Variants in IFT74 observed in about 807,000 individuals in gnomAD.
The protein encoded by IFT74 is intraflagellar transport protein 74 homolog.
IFT74 carries 92 observed loss-of-function variants against 96.7 expected under a neutral mutation model. The ratio of observed to expected loss-of-function variants is 0.95; its 90% CI spans 0.80 to 1.13. The LOEUF (loss-of-function observed/expected upper bound fraction) is 1.13. Ranked by LOEUF, IFT74 falls within the 50% of genes most tolerant of loss-of-function variation. The pLI is 0.00. For missense variants in IFT74, 811 were observed against 698.2 expected (o/e 1.16, Z -1.82); for synonymous variants, 223 against 213.2 (o/e 1.05, Z -0.40).
intron 16 of IFT74, among the ~76,000 whole-genome samples, chr9:27,049,822 C>A (rs566254606): frequency 1.3e-5 from 2 of 152,116 alleles, no homozygotes; most frequent in Non-Finnish European, 2.9e-5. Context: ...TGCTTGCTAT[C>A]ATGAGACTAG....
chr9:27,048,137 T>C lies in IFT74; in HGVS notation c.1207-11T>C. ...GGATTTTTTTCTATTTTTATTTCTC[T>C]GCAAATGCAGAATATAAATCGTATA... On this transcript the variant is annotated splice_polypyrimidine_tract_variant and intron_variant, in intron 15 of 19. Coordinates refer to ENST00000380062, the MANE Select transcript of IFT74 (RefSeq NM_025103.4). The C allele has an allele frequency of 3.2e-6, 5 of 1,547,134 alleles. No homozygotes were observed. The African/African-American group carries it at 6.9e-5, about 21-fold the overall frequency.
chr9:26,976,707 A>C lies in IFT74; in HGVS notation c.121-1421A>C, dbSNP rs1182886499. On this transcript the variant is annotated intron_variant, in intron 2 of 19. Transcript: ENST00000380062. ...AGAAAGGCAGGGGGTACCTGGAATT[A>C]GAGAATAAGTAGCTGAGCAGGCTAT... is the stretch of plus-strand genomic sequence containing the variant. The C allele has an allele frequency of 4.7e-5, 21 of 451,468 alleles. No individual in the cohort carries two copies. In the East Asian group the frequency reaches 1.5e-3, roughly 31 times the overall value. 28.0% of individuals were successfully genotyped at this position (451,468 alleles called of 1,614,324 possible). A position where few individuals can be genotyped will look rare whatever the true frequency, so the allele number is the denominator to read the frequency against.
rs1820478323 is a variant in IFT74 at position 27,062,647 on chromosome 9, T to G, written c.1714T>G (p.Tyr572Asp). 7 of 1,608,468 alleles carry G rather than the reference T, an allele frequency of 4.4e-6. No homozygotes were observed. In the East Asian group the frequency reaches 1.6e-4, roughly 36 times the overall value. The change falls in exon 20 of 20, where the codon TAC becomes GAC. Residue 572 changes from tyrosine (Y) to aspartate (D), a missense_variant. By Grantham distance (160) the Tyr-to-Asp change is radical (BLOSUM62 -3). Coordinates refer to ENST00000380062, the MANE Select transcript of IFT74 (RefSeq NM_025103.4). ...FIATKSQESD[Y>D]QPIKKNVTKQ... Reference sequence around the variant, plus strand: ...AGCAACCAAGAGTCAAGAGAGTGATTACCAGCCAATTAAGAAAAATGTGAC... The same window carrying G: ...AGCAACCAAGAGTCAAGAGAGTGATGACCAGCCAATTAAGAAAAATGTGAC...
At chr9:26,989,551 G>C (rs950517750) in intron 7 of IFT74, among the ~76,000 whole-genome samples, 1 of 152,068 alleles carries the variant, frequency 6.6e-6, no homozygotes, top group African/African-American at 2.4e-5. Flanking sequence ...TTGATAAAAT[G>C]ACTCTTCTAA....
chr9:27,003,478 A>G (rs1023591861), intron 8 of IFT74, among the ~76,000 whole-genome samples: 2 of 152,114 alleles, frequency 1.3e-5, no homozygotes, highest in East Asian at 3.9e-4. Context: ...AGCCGTGATC[A>G]TGCCACTGTG....
chr9:26,972,132 A>G (rs1826907828), intron 2 of IFT74, among the ~76,000 whole-genome samples: 1 of 152,136 alleles, frequency 6.6e-6, no homozygotes, highest in African/African-American at 2.4e-5. Flanking sequence ...CTCCCTTTTT[A>G]GGTTTAGATC....
intron 8 of IFT74, chr9:26,999,732 G>A: frequency 7.7e-7 from 1 of 1,300,590 alleles, no homozygotes; most frequent in Admixed American, 2.2e-5. Context: ...TTTTCATTAA[G>A]GACATTTTTA....
At chr9:27,017,184 A>G (rs2131618400) in intron 11 of IFT74, 134 bp downstream of exon 11, 1 of 529,618 alleles carries the variant, frequency 1.9e-6, no homozygotes, top group Non-Finnish European at 3.1e-6. Context: ...ATGTGAAGAA[A>G]TGACTTTTTA....
chr9:27,059,801 C>T (rs535813370), intron 18 of IFT74, among the ~76,000 whole-genome samples: 53 of 152,274 alleles, frequency 3.5e-4, no homozygotes, highest in African/African-American at 1.1e-3. Context: ...AGAAACATTT[C>T]CACTGTTGCT....
At chr9:27,052,902 G>A (rs1204470625) in intron 16 of IFT74, among the ~76,000 whole-genome samples, 1 of 151,910 alleles carries the variant, frequency 6.6e-6, no homozygotes, top group Non-Finnish European at 1.5e-5. Flanking sequence ...TCTCACTGTC[G>A]CCCAGGCTGG....
chr9:26,986,456 C>T (rs1827639419), intron 6 of IFT74, among the ~76,000 whole-genome samples: 1 of 151,822 alleles, frequency 6.6e-6, no homozygotes, highest in Non-Finnish European at 1.5e-5. Context: ...GCTGGGACTA[C>T]AGGCACATGC....
At position 27,005,367 on chromosome 9, in the gene IFT74, C is replaced by CTG. The variant is rs376788124; in HGVS notation, c.588-3653_588-3652insTG. Reference sequence around the variant, plus strand: ...TGAAACCATTTCCCCCCCCGCCCCCCGCAAAACAATTACTTAGTATTGTAT... The same window carrying CTG: ...TGAAACCATTTCCCCCCCCGCCCCCCTGGCAAAACAATTACTTAGTATTGTAT... On this transcript the variant is annotated intron_variant, in intron 8 of 19. Transcript: ENST00000380062. Among the ~76,000 whole-genome samples, 3 of 102,700 alleles carry CTG rather than the reference C, an allele frequency of 2.9e-5. 1 individual carries two copies. The highest frequency in any genetic ancestry group is 9.8e-5 in the Admixed American group (1 of 10,196). The allele number at this position is 102,700 out of a possible 152,430, so 67.4% of individuals were successfully genotyped here. A position where few individuals can be genotyped will look rare whatever the true frequency, so the allele number is the denominator to read the frequency against.
intron 18 of IFT74, 115 bp from the exon 19 acceptor site, chr9:27,060,476 A>G (rs1468101724): frequency 1.9e-6 from 1 of 536,258 alleles, no homozygotes; most frequent in Admixed American, 3.3e-5. Flanking sequence ...TCTCAATAAA[A>G]TGTAAGTTGA....
intron 2 of IFT74, among the ~76,000 whole-genome samples, chr9:26,964,339 C>G (rs1400310719): frequency 6.7e-6 from 1 of 149,246 alleles, no homozygotes; most frequent in Non-Finnish European, 1.5e-5. Context: ...GTTTTGGTAC[C>G]AGTACCATGC....
At chr9:26,952,261 T>G (rs1825957134), upstream of IFT74, among the ~76,000 whole-genome samples, 1 of 151,298 alleles carries the variant, frequency 6.6e-6, no homozygotes, top group Admixed American at 6.6e-5. Flanking sequence ...CATTGAAAGT[T>G]TATTTAATTT....
intron 2 of IFT74, among the ~76,000 whole-genome samples, chr9:26,966,231 T>G (rs1461686340): frequency 6.6e-6 from 1 of 152,050 alleles, no homozygotes; most frequent in East Asian, 1.9e-4. Flanking sequence ...CTATTTTTAG[T>G]TTTTTGAGGA....
chr9:26,970,198 G>T (rs1051096929), intron 2 of IFT74, among the ~76,000 whole-genome samples: 1 of 151,952 alleles, frequency 6.6e-6, no homozygotes, highest in Non-Finnish European at 1.5e-5. Flanking sequence ...CTTTTTCTTT[G>T]CAGTGACTTC....
At chr9:27,060,507 AT>A (rs1300070851) in intron 18 of IFT74, 83 bp from the exon 19 acceptor site, 86 of 792,056 alleles carry the variant, frequency 1.1e-4, no homozygotes, top group South Asian at 1.5e-4. Context: ...AGTTGGAGAG[AT>A]TTTTTTTGTC....
rs1325267056 is a variant in IFT74, at chr9:26,962,046, G to C, written c.79G>C (p.Gly27Arg). The change falls in exon 2 of 20, where the codon GGG (glycine) becomes CGG (arginine). Residue 27 changes from glycine (G) to arginine (R), a missense_variant. Coordinates refer to ENST00000380062, the MANE Select transcript of IFT74 (RefSeq NM_025103.4). ...TGGGTTAACAGGAAGGCCTCCTTCT[G>C]GGATACGACCCCTATCAGGAAATAT... ...GVGLTGRPPS[G>R]IRPLSGNIRV... The C allele has an allele frequency of 1.2e-6, 2 of 1,614,154 alleles. No homozygotes were observed. Among genetic ancestry groups the C allele is most frequent in the South Asian group, 2.2e-5 (2 of 91,082 alleles).
Sources: allele counts gnomAD v4.1 joint callset (sites outside exome capture counted in the v4.1 genomes callset), GRCh38; gene constraint gnomAD v4.1.1; transcripts MANE v1.5; gene names NCBI Gene and HGNC (gene_info 2026-07-23, HGNC 2026-07-21).